Variants in WNK1 observed in about 807,000 individuals in gnomAD.
WNK1 encodes the protein serine/threonine-protein kinase WNK1.
In WNK1, 38 loss-of-function variants were observed where a neutral mutation model predicts 222.8. That is an observed-to-expected ratio of 0.17 (90% CI 0.13 to 0.22). The LOEUF (loss-of-function observed/expected upper bound fraction) is 0.22. Ranked by LOEUF, WNK1 falls within the 10% of genes least tolerant of loss-of-function variation. The pLI is 1.00. For synonymous variants in WNK1, 1,090 were observed against 1,092.9 expected (o/e 1.00, Z 0.05); for missense variants, 2,348 against 2,918.4 (o/e 0.80, Z 4.50).
At chr12:877,446 A>G (rs773394634) in intron 9 of WNK1, among the ~76,000 whole-genome samples, 1 of 152,124 alleles carries the variant, frequency 6.6e-6, no homozygotes, top group Non-Finnish European at 1.5e-5. Flanking sequence ...TGCTTGATTT[A>G]TTACAGAATT....
At chr12:863,675 T>C (rs1951390166) in intron 8 of WNK1, among the ~76,000 whole-genome samples, 1 of 152,168 alleles carries the variant, frequency 6.6e-6, no homozygotes, top group East Asian at 1.9e-4. Flanking sequence ...GCTATATTTA[T>C]TGATGCTCTA....
At chr12:899,774 C>A (rs1358951319) in intron 25 of WNK1, among the ~76,000 whole-genome samples, 1 of 152,096 alleles carries the variant, frequency 6.6e-6, no homozygotes, top group African/African-American at 2.4e-5. Flanking sequence ...TGTATTTGCT[C>A]TGATGCACGT....
chr12:904,108 T>G (rs1031875178), intron 26 of WNK1, among the ~76,000 whole-genome samples: 9 of 152,196 alleles, frequency 5.9e-5, no homozygotes, highest in African/African-American at 1.9e-4. Flanking sequence ...GTGGAAACGC[T>G]GCTTGGGTAT....
chr12:871,420 T>TTATA, intron 9 of WNK1, 72 bp downstream of exon 9: 1 of 1,489,398 alleles, frequency 6.7e-7, no homozygotes, highest in Non-Finnish European at 9.4e-7. Context: ...TTGTGATTTG[T>TTATA]TATATAAATG....
intron 4 of WNK1, among the ~76,000 whole-genome samples, chr12:840,338 C>T (rs1949530711): frequency 7.2e-6 from 1 of 138,596 alleles, no homozygotes; most frequent in Non-Finnish European, 1.5e-5. Context: ...CACTATGTTG[C>T]CCATGCTGGT....
At chr12:872,827 C>T (rs1396666248) in intron 9 of WNK1, among the ~76,000 whole-genome samples, 1 of 152,096 alleles carries the variant, frequency 6.6e-6, no homozygotes, top group Non-Finnish European at 1.5e-5. Context: ...TGTAGTCATT[C>T]GATACTGGTT....
chr12:891,003 G>GA (rs1309055582), intron 22 of WNK1, among the ~76,000 whole-genome samples: 2 of 151,938 alleles, frequency 1.3e-5, no homozygotes, highest in Non-Finnish European at 2.9e-5. Flanking sequence ...TCTAGAAATG[G>GA]AAAAATGAAA....
intron 1 of WNK1, among the ~76,000 whole-genome samples, chr12:797,510 T>A (rs1197303317): frequency 6.6e-6 from 1 of 152,218 alleles, no homozygotes; most frequent in African/African-American, 2.4e-5. Context: ...AATGATAGTA[T>A]GCAAATTATC....
At chr12:908,360 C>A in intron 27 of WNK1, 115 bp from the exon 28 acceptor site, 2 of 1,136,402 alleles carry the variant, frequency 1.8e-6, no homozygotes, top group Non-Finnish European at 2.6e-6. Flanking sequence ...CCAATAAATA[C>A]TACAGAAGAC....
intron 4 of WNK1, among the ~76,000 whole-genome samples, chr12:843,296 T>C (rs1011666999): frequency 2.6e-5 from 4 of 152,198 alleles, no homozygotes; most frequent in African/African-American, 4.8e-5. Context: ...TTAAAGTTAT[T>C]GAGGACCCCA....
intron 12 of WNK1, 114 bp from the exon 13 acceptor site, chr12:881,578 T>C (rs539627591): frequency 2.5e-6 from 2 of 815,042 alleles, no homozygotes; most frequent in African/African-American, 1.7e-5. Context: ...CTAGTAAATT[T>C]AGTGCTTCTA....
intron 1 of WNK1, among the ~76,000 whole-genome samples, chr12:768,220 C>G (rs911916272): frequency 6.6e-6 from 1 of 152,188 alleles, no homozygotes; most frequent in African/African-American, 2.4e-5. Flanking sequence ...ACTGCAACCT[C>G]CATCTCCCGG....
intron 11 of WNK1, among the ~76,000 whole-genome samples, chr12:880,250 A>G (rs1055911468): frequency 6.6e-6 from 1 of 152,244 alleles, no homozygotes; most frequent in Non-Finnish European, 1.5e-5. Context: ...TGGTTCTCTC[A>G]GTATTCACTG....
At chr12:769,201 C>T (rs956401340) in intron 1 of WNK1, among the ~76,000 whole-genome samples, 17 of 151,440 alleles carry the variant, frequency 1.1e-4, no homozygotes, top group African/African-American at 3.9e-4. Flanking sequence ...AAGCTACCTT[C>T]CGTTTCCTTT....
chr12:818,327 C>G (rs953378466), intron 2 of WNK1, among the ~76,000 whole-genome samples: 1 of 152,202 alleles, frequency 6.6e-6, no homozygotes, highest in Admixed American at 6.5e-5. Flanking sequence ...GAGCATTAGA[C>G]TTGCAGTAGA....
chr12:883,359 G>T (rs1335106813), intron 15 of WNK1, 36 bp from the exon 16 acceptor site: 2 of 1,610,904 alleles, frequency 1.2e-6, no homozygotes, highest in Admixed American at 1.7e-5. Flanking sequence ...TTTGAGAAAT[G>T]ACACTAATTA....
At chr12:764,358 C>G (rs1210191926) in intron 1 of WNK1, among the ~76,000 whole-genome samples, 1 of 146,674 alleles carries the variant, frequency 6.8e-6, no homozygotes, top group Non-Finnish European at 1.5e-5. Context: ...ATCATTAACA[C>G]AGCACGGTGG....
chr12:823,911 T>C (rs1948124466), intron 2 of WNK1, among the ~76,000 whole-genome samples: 1 of 149,576 alleles, frequency 6.7e-6, no homozygotes, highest in East Asian at 2.0e-4. Context: ...TTTTTTTTTT[T>C]TTTTTTTTTT....
In WNK1 at chr12:907,914, C is replaced by T; in HGVS notation, c.6711C>T (p.Ala2237=). The change falls in exon 27 of 28, where the codon GCC becomes GCT. Residue 2237 remains alanine, a synonymous_variant. Transcript: ENST00000315939. ...NSQAAQAQPP[A]MTSSRKGTFT... is the part of the protein sequence containing the mutation. Reference sequence around the variant, plus strand: ...AAGCCGCCCAAGCTCAGCCTCCTGCCATGACGTCCAGCAGGAAGGGCACAT... The same window carrying T: ...AAGCCGCCCAAGCTCAGCCTCCTGCTATGACGTCCAGCAGGAAGGGCACAT... The T allele has an allele frequency of 6.2e-7, 1 of 1,614,186 alleles. No homozygotes were observed. Among genetic ancestry groups the T allele is most frequent in the Non-Finnish European group, 8.5e-7 (1 of 1,180,040 alleles).
Sources: allele counts gnomAD v4.1 joint callset (sites outside exome capture counted in the v4.1 genomes callset), GRCh38; gene constraint gnomAD v4.1.1; transcripts MANE v1.5; gene names NCBI Gene and HGNC (gene_info 2026-07-23, HGNC 2026-07-21).